SHLD1: variants seen among roughly 807,000 people sequenced by gnomAD.
SHLD1 encodes the protein RINN1-REV7-interacting novel NHEJ regulator 3.
Under a neutral mutation model 5.5 loss-of-function variants are expected in SHLD1, and 3 were observed. The ratio of observed to expected loss-of-function variants is 0.54; its 90% CI spans 0.25 to 1.40. The LOEUF (loss-of-function observed/expected upper bound fraction) is 1.40. Among genes scored for constraint, SHLD1 ranks in the 40% most tolerant of loss-of-function variants. The pLI, the probability that SHLD1 is intolerant of heterozygous loss-of-function variation, is 0.15. For missense variants in SHLD1, 210 were observed against 244.4 expected (o/e 0.86, Z 0.94); for synonymous variants, 92 against 94.3 (o/e 0.98, Z 0.14).
At chr20:5,823,455 T>G (rs1343690718) in intron 2 of SHLD1, among the ~76,000 whole-genome samples, 2 of 150,026 alleles carry the variant, frequency 1.3e-5, no homozygotes, top group Admixed American at 6.6e-5. Context: ...GTTTTTTGTT[T>G]TTTTTTTTTT....
In SHLD1 at chr20:5,784,654, G is replaced by A. The variant is rs903834525; in HGVS notation, c.178+11611G>A. On this transcript the variant is annotated intron_variant, in intron 2 of 2. Coordinates refer to ENST00000303142, the MANE Select transcript of SHLD1 (RefSeq NM_152504.4). Reference sequence around the variant, plus strand: ...TTTAGTAGAGACGGGGTTTCACCGTGTTAGCCAGGTTGGTCTCGATCGCCT... The same window carrying A: ...TTTAGTAGAGACGGGGTTTCACCGTATTAGCCAGGTTGGTCTCGATCGCCT... 5.9e-5 allele frequency among the ~76,000 whole-genome samples: 9 copies of A among 152,134 alleles called. No homozygotes were observed. The East Asian group carries it at 1.4e-3, about 23-fold the overall frequency.
chr20:5,837,994 T>A (rs2087810317), intron 2 of SHLD1, among the ~76,000 whole-genome samples: 1 of 152,126 alleles, frequency 6.6e-6, no homozygotes, highest in South Asian at 2.1e-4. Flanking sequence ...GGAAAAAAAA[T>A]ACCTATTTAC....
At chr20:5,830,689 A>T (rs959829703) in intron 2 of SHLD1, among the ~76,000 whole-genome samples, 2 of 51,226 alleles carry the variant, frequency 3.9e-5, no homozygotes, top group Non-Finnish European at 6.2e-5. Context: ...ACTCCGTCTT[A>T]AAAAAAAAAA....
At chr20:5,762,118 G>C (rs899967925) in intron 1 of SHLD1, among the ~76,000 whole-genome samples, 6 of 151,704 alleles carry the variant, frequency 4.0e-5, no homozygotes, top group Non-Finnish European at 2.9e-5. Context: ...TGGGTGTGGT[G>C]GTGGGCACCT....
chr20:5,755,977 T>C (rs1984069732), intron 1 of SHLD1, among the ~76,000 whole-genome samples: 1 of 152,202 alleles, frequency 6.6e-6, no homozygotes, highest in Non-Finnish European at 1.5e-5. Flanking sequence ...CTTCAGGGCC[T>C]GCAGTCATGT....
chr20:5,781,651 G>T (rs957516383), intron 2 of SHLD1, among the ~76,000 whole-genome samples: 2 of 149,386 alleles, frequency 1.3e-5, no homozygotes, highest in African/African-American at 4.9e-5. Flanking sequence ...CTATTTTTTT[G>T]TATTTTTAGT....
chr20:5,834,533 A>G lies in SHLD1; in HGVS notation c.179-28491A>G, dbSNP rs2087767587. 2.0e-5 allele frequency among the ~76,000 whole-genome samples: 3 copies of G among 152,254 alleles called. No homozygotes were observed. The South Asian group carries it at 6.2e-4, about 32-fold the overall frequency. On this transcript the variant is annotated intron_variant, in intron 2 of 2. Coordinates refer to ENST00000303142, the MANE Select transcript of SHLD1 (RefSeq NM_152504.4). The stretch of plus-strand genomic sequence containing the variant: ...GAAAAAACAATCTACAGAAGTACAG[A>G]TGTTTGAGAAGAGTAATGGTAATGA...
chr20:5,807,542 T>C (rs2087396742), intron 2 of SHLD1, among the ~76,000 whole-genome samples: 1 of 152,134 alleles, frequency 6.6e-6, no homozygotes, highest in African/African-American at 2.4e-5. Context: ...GGCTAAGTTT[T>C]TACATTTTTT....
chr20:5,857,223 G>A (rs924275237), intron 2 of SHLD1, among the ~76,000 whole-genome samples: 20 of 152,108 alleles, frequency 1.3e-4, no homozygotes, highest in African/African-American at 3.6e-4. Flanking sequence ...TGATCCACCC[G>A]CCTTGGCCTC....
chr20:5,848,828 T>G (rs1368167573), intron 2 of SHLD1, among the ~76,000 whole-genome samples: 7 of 152,216 alleles, frequency 4.6e-5, no homozygotes, highest in Admixed American at 4.6e-4. Context: ...GGTGGCCTCT[T>G]AGAGGACCGC....
chr20:5,814,310 CA>C (rs2087499634), intron 2 of SHLD1, among the ~76,000 whole-genome samples: 1 of 152,076 alleles, frequency 6.6e-6, no homozygotes, highest in African/African-American at 2.4e-5. Flanking sequence ...GGTATCAATC[CA>C]AGAAGCATCT....
chr20:5,833,407 A>C (rs950646967), intron 2 of SHLD1, among the ~76,000 whole-genome samples: 1 of 152,208 alleles, frequency 6.6e-6, no homozygotes, highest in Non-Finnish European at 1.5e-5. Context: ...GGTAAGAAGA[A>C]AAATCACTCC....
chr20:5,775,614 T>C (rs894202208), intron 2 of SHLD1, among the ~76,000 whole-genome samples: 4 of 152,142 alleles, frequency 2.6e-5, no homozygotes, highest in Admixed American at 2.6e-4. Context: ...TGGGAAGGGG[T>C]ACTCAAACGC....
At chr20:5,809,678 C>T (rs113151118) in intron 2 of SHLD1, among the ~76,000 whole-genome samples, 6 of 152,056 alleles carry the variant, frequency 3.9e-5, no homozygotes, top group African/African-American at 9.7e-5. Context: ...AACCAGTGGC[C>T]GTTGCCCCGT....
intron 2 of SHLD1, among the ~76,000 whole-genome samples, chr20:5,784,405 G>C (rs918716772): frequency 6.6e-6 from 1 of 151,802 alleles, no homozygotes; most frequent in African/African-American, 2.4e-5. Context: ...AATAGTCACT[G>C]GAGAGGATAA....
chr20:5,788,108 ATTATGGCT>A (rs1568502724), intron 2 of SHLD1, among the ~76,000 whole-genome samples: 1 of 152,204 alleles, frequency 6.6e-6, no homozygotes, highest in Non-Finnish European at 1.5e-5. Context: ...CATGTATGCA[ATTATGGCT>A]TTAAGGATAC....
chr20:5,787,286 T>A (rs896109771), intron 2 of SHLD1, among the ~76,000 whole-genome samples: 1 of 152,196 alleles, frequency 6.6e-6, no homozygotes, highest in African/African-American at 2.4e-5. Context: ...TTTAACTCCC[T>A]TTGCTGGAAT....
intron 2 of SHLD1, among the ~76,000 whole-genome samples, chr20:5,831,931 C>T (rs551554906): frequency 7.9e-5 from 12 of 152,188 alleles, no homozygotes; most frequent in African/African-American, 2.9e-4. Flanking sequence ...CTCTCTGCCC[C>T]GTGTTCCCCA....
intron 2 of SHLD1, among the ~76,000 whole-genome samples, chr20:5,811,909 T>A (rs2122376928): frequency 6.6e-6 from 1 of 152,112 alleles, no homozygotes; most frequent in South Asian, 2.1e-4. Context: ...TCTCCACCAC[T>A]GCCGGCTGTA....
Sources: gnomAD v4.1 joint callset for allele counts (sites outside exome capture counted in the v4.1 genomes callset) on GRCh38, gnomAD v4.1.1 for gene constraint, MANE v1.5 for transcripts, NCBI Gene and HGNC (gene_info 2026-07-23, HGNC 2026-07-21) for gene names.